The following NWD2 variants were observed in gnomAD, a reference collection of about 807,000 sequenced individuals.
The protein encoded by NWD2 is NACHT and WD repeat domain-containing protein 2.
NWD2 carries 37 observed loss-of-function variants against 132.7 expected under a neutral mutation model. The ratio of observed to expected loss-of-function variants is 0.28; its 90% CI spans 0.21 to 0.37. The LOEUF (loss-of-function observed/expected upper bound fraction) is 0.37. Ranked by LOEUF, NWD2 falls within the 10% of genes least tolerant of loss-of-function variation. The probability of loss-of-function intolerance (pLI) is 1.00; values close to 1 mark genes in which losing one functional copy is unlikely to be tolerated. For missense variants in NWD2, 1,592 were observed against 2,122.4 expected, an observed-to-expected ratio of 0.75 and a Z score of 4.91; for synonymous variants, 705 against 803.0, an observed-to-expected ratio of 0.88 and a Z score of 2.06.
At chr4:37,308,768 G>T (rs1326295469) in intron 1 of NWD2, among the ~76,000 whole-genome samples, 1 of 151,902 alleles carries the variant, frequency 6.6e-6, no homozygotes, top group Non-Finnish European at 1.5e-5. Flanking sequence ...GCACTCAGTA[G>T]CCTTGACACT....
chr4:37,369,778 A>C (rs1330618461), intron 3 of NWD2, among the ~76,000 whole-genome samples: 1 of 152,226 alleles, frequency 6.6e-6, no homozygotes, highest in East Asian at 1.9e-4. Flanking sequence ...GCGCACAGGA[A>C]ATACTGAAAG....
intron 3 of NWD2, among the ~76,000 whole-genome samples, chr4:37,415,016 A>G (rs1711547469): frequency 6.6e-6 from 1 of 152,210 alleles, no homozygotes. Flanking sequence ...CATATTAATA[A>G]AAGTTAAACT....
intron 2 of NWD2, among the ~76,000 whole-genome samples, chr4:37,354,629 A>G (rs1719834469): frequency 6.6e-6 from 1 of 152,154 alleles, no homozygotes; most frequent in Non-Finnish European, 1.5e-5. Flanking sequence ...CCTTCTCAGG[A>G]CAGGAGGCCA....
At chr4:37,409,456 T>A (rs112946561) in intron 3 of NWD2, among the ~76,000 whole-genome samples, 24,392 of 151,306 alleles carry the variant, frequency 0.16, 2,323 homozygotes, top group Admixed American at 0.22. Context: ...GACAAGATTA[T>A]GGAAAAAAAA....
chr4:37,445,817 A>G lies in NWD2; in HGVS notation c.3829A>G (p.Ile1277Val), dbSNP rs1158077749. ...AAGCTTGCAGGAAATCTCAGGTTCC[A>G]TTGTTAAGTTAGTGAAATCCAGTCA... Reference protein sequence around the residue: ...MASLQEISGSIVKLVKSSHHN... With the variant: ...MASLQEISGSVVKLVKSSHHN... The change falls in exon 7 of 7, where the codon ATT becomes GTT. Residue 1277 changes from isoleucine (I) to valine (V), a missense_variant. Physicochemically the swap from Ile to Val is conservative, Grantham distance 29. Transcript: ENST00000309447. This position sits in a 1 kb window ranked among gnomAD's most constrained non-coding sequence, Gnocchi z 4.7. 11 of 1,551,926 alleles carry G rather than the reference A, an allele frequency of 7.1e-6. No individual in the cohort carries two copies. In the African/African-American group the frequency reaches 8.2e-5, roughly 12 times the overall value.
intron 3 of NWD2, among the ~76,000 whole-genome samples, chr4:37,410,389 AG>A (rs1178252230): frequency 2.0e-5 from 3 of 152,212 alleles, no homozygotes; most frequent in Non-Finnish European, 4.4e-5. Context: ...AAACCAACAA[AG>A]AACGAAAGAG....
chr4:37,361,717 T>G (rs1291867771), intron 3 of NWD2, among the ~76,000 whole-genome samples: 3 of 152,126 alleles, frequency 2.0e-5, no homozygotes, highest in Non-Finnish European at 4.4e-5. Flanking sequence ...ACCAACATCA[T>G]GCTGAAGGGG....
rs562323628 is a variant in NWD2 at position 37,313,163 on chromosome 4, C to T, written c.152-12773C>T. ...CTCATAAAATGAGTTAGGGAGGATTCCCTCTTTTTCTGTTGATTTGAATAG... is the reference window on the plus strand; with the variant it reads ...CTCATAAAATGAGTTAGGGAGGATTTCCTCTTTTTCTGTTGATTTGAATAG... On this transcript the variant is annotated intron_variant, in intron 1 of 6. Coordinates refer to ENST00000309447, the MANE Select transcript of NWD2 (RefSeq NM_001144990.2). Among the ~76,000 whole-genome samples, 14 of 151,186 alleles carry T rather than the reference C, an allele frequency of 9.3e-5. 3 individuals are homozygous for T. Among genetic ancestry groups the T allele is most frequent in the African/African-American group, 3.5e-4 (14 of 40,528 alleles).
At chr4:37,423,539 G>C (rs953862277) in intron 3 of NWD2, among the ~76,000 whole-genome samples, 1 of 152,124 alleles carries the variant, frequency 6.6e-6, no homozygotes, top group Non-Finnish European at 1.5e-5. Flanking sequence ...AATAAGTCCC[G>C]GTCCAAGAGC....
chr4:37,383,097 G>C (rs530577677), intron 3 of NWD2, among the ~76,000 whole-genome samples: 1 of 152,130 alleles, frequency 6.6e-6, no homozygotes, highest in Non-Finnish European at 1.5e-5. Context: ...TCTTCCCTCA[G>C]ACTTTGATTA....
intron 3 of NWD2, among the ~76,000 whole-genome samples, chr4:37,385,640 C>T (rs1720548244): frequency 6.6e-6 from 1 of 151,774 alleles, no homozygotes; most frequent in African/African-American, 2.4e-5. Flanking sequence ...ACATCAGGAG[C>T]ACAACAAAAG....
Position 37,335,186 on chromosome 4 carries a change from C to T in NWD2, c.240+9162C>T, listed in dbSNP as rs1185141886. On this transcript the variant is annotated intron_variant, in intron 2 of 6. Transcript: ENST00000309447. ...TACTCTCGAGGTCTTATCTGTGACT[C>T]TTTCCCACAGGCAGCCTGTTCTAGC... Among the ~76,000 whole-genome samples the T allele has an allele frequency of 2.7e-5, 4 of 150,830 alleles. No homozygotes were observed. The East Asian group carries it at 7.9e-4, about 30-fold the overall frequency.
Position 37,444,623 on chromosome 4 carries a change from C to T in NWD2, c.2635C>T (p.Leu879=). 1.9e-6 allele frequency: 3 copies of T among 1,552,138 alleles called. No individual in the cohort carries two copies. The highest frequency in any genetic ancestry group is 2.6e-6 in the Non-Finnish European group (3 of 1,147,096). ...QFDKVLSDIE[L]AYNYSQEKEL... is the part of the protein sequence containing the mutation. ...TGACAAAGTGCTTTCAGACATTGAG[C>T]TGGCTTACAACTACTCGCAAGAGAA... is the stretch of plus-strand genomic sequence containing the variant. Residue 879 remains leucine (L), a synonymous_variant, in exon 7 of 7, where the codon CTG becomes TTG. Coordinates refer to ENST00000309447, the MANE Select transcript of NWD2 (RefSeq NM_001144990.2). The surrounding 1 kb of genome is among the most constrained non-coding windows in gnomAD (Gnocchi z 4.8).
chr4:37,444,206 A>T lies in NWD2; in HGVS notation c.2218A>T (p.Ile740Leu), dbSNP rs1560257467. The change falls in exon 7 of 7, where the codon ATA (isoleucine) becomes TTA (leucine). Residue 740 changes from isoleucine (I) to leucine (L), a missense_variant. By Grantham distance (5) the Ile-to-Leu change is conservative. This residue lies in a region of NWD2 where 1,071 missense variants were observed against 1,398.0 expected (regional missense o/e 0.77). Coordinates refer to ENST00000309447, the MANE Select transcript of NWD2 (RefSeq NM_001144990.2). This position sits in a 1 kb window ranked among gnomAD's most constrained non-coding sequence, Gnocchi z 4.8. ...CTGGGCCAACAGACACCTGCAGCTCATAGCCCAGAAGCTATATCTGCAGGA... is the reference window on the plus strand; with the variant it reads ...CTGGGCCAACAGACACCTGCAGCTCTTAGCCCAGAAGCTATATCTGCAGGA... Reference protein sequence around the residue: ...LVWANRHLQLIAQKLYLQDDN... With the variant: ...LVWANRHLQLLAQKLYLQDDN... The T allele has an allele frequency of 6.5e-7, 1 of 1,549,346 alleles. No individual in the cohort carries two copies.
intron 1 of NWD2, among the ~76,000 whole-genome samples, chr4:37,298,031 A>G (rs551268017): frequency 6.6e-6 from 1 of 152,288 alleles, no homozygotes; most frequent in African/African-American, 2.4e-5. Context: ...TGGGCGTCTC[A>G]GTAAGAGATG....
At chr4:37,399,884 C>T (rs1044056419) in intron 3 of NWD2, among the ~76,000 whole-genome samples, 19 of 152,160 alleles carry the variant, frequency 1.2e-4, no homozygotes, top group Admixed American at 9.2e-4. Context: ...TAGGGAGAGG[C>T]CCGGTGTTTT....
intron 1 of NWD2, among the ~76,000 whole-genome samples, chr4:37,253,101 TAGTA>T (rs1485662346): frequency 6.6e-6 from 1 of 151,946 alleles, no homozygotes; most frequent in Non-Finnish European, 1.5e-5. Flanking sequence ...GCAAGTATGA[TAGTA>T]AGTCCTCAAC....
At chr4:37,394,836 A>T (rs1264902399) in intron 3 of NWD2, among the ~76,000 whole-genome samples, 3 of 22,688 alleles carry the variant, frequency 1.3e-4, no homozygotes, top group Non-Finnish European at 2.2e-4. Context: ...TTTGAGGCAG[A>T]GCCTCCCTCC....
At chr4:37,255,728 T>C (rs1271941432) in intron 1 of NWD2, among the ~76,000 whole-genome samples, 1 of 152,078 alleles carries the variant, frequency 6.6e-6, no homozygotes, top group Admixed American at 6.5e-5. Context: ...CCTGGGACAA[T>C]GTACAAATCT....
Sources: allele counts gnomAD v4.1 joint callset (sites outside exome capture counted in the v4.1 genomes callset), GRCh38; gene constraint gnomAD v4.1.1; regional missense constraint gnomAD v4.1.1; non-coding constraint Gnocchi (gnomAD v3.1); transcripts MANE v1.5; gene names NCBI Gene and HGNC (gene_info 2026-07-23, HGNC 2026-07-21).